MAPKAP1: variants seen among roughly 807,000 people sequenced by gnomAD.
MAPKAP1 encodes the protein MAPK associated protein 1, also known as target of rapamycin complex 2 subunit MAPKAP1.
A neutral mutation model predicts 65.7 loss-of-function variants in MAPKAP1; 20 were observed. The observed-to-expected ratio is 0.30, with a 90% CI of 0.21 to 0.44. The LOEUF is 0.44. Among genes scored for constraint, MAPKAP1 ranks in the 20% least tolerant of loss-of-function variants. The pLI is 1.00. For synonymous variants in MAPKAP1, 222 were observed against 244.3 expected, an observed-to-expected ratio of 0.91 and a Z score of 0.85; for missense variants, 423 against 648.0, an observed-to-expected ratio of 0.65 and a Z score of 3.77.
intron 4 of MAPKAP1, among the ~76,000 whole-genome samples, chr9:125,649,003 C>T (rs1374487498): frequency 6.6e-6 from 1 of 152,088 alleles, no homozygotes; most frequent in Admixed American, 6.6e-5. Context: ...GGATTCTATG[C>T]CCAGCTAGGT....
At chr9:125,440,766 T>A (rs768431297) in intron 11 of MAPKAP1, among the ~76,000 whole-genome samples, 1 of 152,226 alleles carries the variant, frequency 6.6e-6, no homozygotes, top group Non-Finnish European at 1.5e-5. Flanking sequence ...CAATAAATCA[T>A]GAGGACCGCA....
At chr9:125,674,064 T>G (rs1834573499) in intron 1 of MAPKAP1, among the ~76,000 whole-genome samples, 1 of 152,170 alleles carries the variant, frequency 6.6e-6, no homozygotes, top group Non-Finnish European at 1.5e-5. Flanking sequence ...GGACAACGGT[T>G]AGGTACTAGG....
At chr9:125,449,043 T>G (rs866541493) in intron 10 of MAPKAP1, among the ~76,000 whole-genome samples, 2 of 150,444 alleles carry the variant, frequency 1.3e-5, no homozygotes, top group African/African-American at 4.9e-5. Context: ...GAAAAAGTTA[T>G]GTATTAGTAT....
chr9:125,464,204 T>TTAAAAAAAAAAAAAAAAA, intron 10 of MAPKAP1, among the ~76,000 whole-genome samples: 1 of 83,332 alleles, frequency 1.2e-5, no homozygotes. Flanking sequence ...TCTCATATAT[T>TTAAAAAAAAAAAAAAAAA]AAAAAAAAAA....
At chr9:125,466,393 T>C (rs1004617836) in intron 10 of MAPKAP1, among the ~76,000 whole-genome samples, 3 of 152,180 alleles carry the variant, frequency 2.0e-5, no homozygotes, top group African/African-American at 4.8e-5. Flanking sequence ...GTGAGCCTCT[T>C]TGTTAAGGAA....
chr9:125,630,332 A>G (rs1317502021), intron 4 of MAPKAP1, among the ~76,000 whole-genome samples: 1 of 151,618 alleles, frequency 6.6e-6, no homozygotes, highest in Non-Finnish European at 1.5e-5. Flanking sequence ...GGGCCTCCCT[A>G]TGTTGCCCAG....
intron 4 of MAPKAP1, among the ~76,000 whole-genome samples, chr9:125,597,078 A>T (rs374028623): frequency 2.6e-5 from 4 of 151,694 alleles, no homozygotes; most frequent in South Asian, 2.1e-4. Context: ...CTGGCTAACA[A>T]AGTGAAACCC....
intron 7 of MAPKAP1, among the ~76,000 whole-genome samples, chr9:125,531,610 T>C (rs749743073): frequency 6.6e-5 from 10 of 152,234 alleles, no homozygotes; most frequent in Non-Finnish European, 1.0e-4. Context: ...CAGAAATTCA[T>C]ATTAGTATCA....
chr9:125,453,317 C>T (rs952454591), intron 10 of MAPKAP1, among the ~76,000 whole-genome samples: 4 of 152,266 alleles, frequency 2.6e-5, no homozygotes, highest in Non-Finnish European at 4.4e-5. Context: ...CTATCTGCCT[C>T]GGCCTCTCAA....
At chr9:125,593,384 A>G (rs1832029140) in intron 4 of MAPKAP1, among the ~76,000 whole-genome samples, 1 of 151,958 alleles carries the variant, frequency 6.6e-6, no homozygotes, top group African/African-American at 2.4e-5. Context: ...GAAAAGGGCA[A>G]GGCACAGTGG....
At chr9:125,636,434 A>G (rs1833427062) in intron 4 of MAPKAP1, among the ~76,000 whole-genome samples, 1 of 152,266 alleles carries the variant, frequency 6.6e-6, no homozygotes. Flanking sequence ...GAGACAAATT[A>G]GATAATTCAA....
intron 7 of MAPKAP1, among the ~76,000 whole-genome samples, chr9:125,509,870 C>T (rs1829250171): frequency 6.6e-6 from 1 of 152,098 alleles, no homozygotes; most frequent in Non-Finnish European, 1.5e-5. Context: ...AGGAAGGATC[C>T]CTTATCCCTG....
At chr9:125,673,902 A>G (rs1196644843) in intron 1 of MAPKAP1, among the ~76,000 whole-genome samples, 2 of 152,164 alleles carry the variant, frequency 1.3e-5, no homozygotes, top group Non-Finnish European at 2.9e-5. Context: ...TGATTGCACC[A>G]TTGCACTCCA....
At chr9:125,507,862 TA>T (rs1318717273) in intron 7 of MAPKAP1, among the ~76,000 whole-genome samples, 6 of 152,262 alleles carry the variant, frequency 3.9e-5, no homozygotes, top group South Asian at 2.1e-4. Flanking sequence ...CATTTTTTTT[TA>T]AAATTCTAAT....
chr9:125,554,717 G>A (rs1830685475), intron 6 of MAPKAP1, among the ~76,000 whole-genome samples: 2 of 144,064 alleles, frequency 1.4e-5, no homozygotes, highest in Admixed American at 1.5e-4. Flanking sequence ...GGTCCTTTGA[G>A]CCCAGGAGTT....
At chr9:125,575,908 C>T (rs1242108149) in intron 5 of MAPKAP1, among the ~76,000 whole-genome samples, 7 of 152,164 alleles carry the variant, frequency 4.6e-5, no homozygotes, top group Non-Finnish European at 1.5e-5. Flanking sequence ...ACTTACAGTG[C>T]CTTTATTCAT....
intron 4 of MAPKAP1, among the ~76,000 whole-genome samples, chr9:125,621,519 G>A (rs1469166035): frequency 1.3e-5 from 2 of 152,088 alleles, no homozygotes; most frequent in Admixed American, 1.3e-4. Context: ...AAAATACTTA[G>A]CACAATGCCA....
chr9:125,597,630 C>CT (rs1385474918), intron 4 of MAPKAP1, among the ~76,000 whole-genome samples: 1 of 152,150 alleles, frequency 6.6e-6, no homozygotes, highest in Non-Finnish European at 1.5e-5. Flanking sequence ...GGATAGACAG[C>CT]TTAGCTTCTG....
intron 1 of MAPKAP1, among the ~76,000 whole-genome samples, chr9:125,686,600 T>C (rs1221780004): frequency 6.6e-6 from 1 of 152,180 alleles, no homozygotes. Flanking sequence ...GGAGCCCATC[T>C]AAAAGGTTTT....
Sources: gnomAD v4.1 joint callset for allele counts (sites outside exome capture counted in the v4.1 genomes callset) on GRCh38, gnomAD v4.1.1 for gene constraint, MANE v1.5 for transcripts, NCBI Gene and HGNC (gene_info 2026-07-23, HGNC 2026-07-21) for gene names.